OSBPL10: variants seen among roughly 807,000 people sequenced by gnomAD.
The protein encoded by OSBPL10 is oxysterol-binding protein-related protein 10.
Under a neutral mutation model 81.7 loss-of-function variants are expected in OSBPL10, and 49 were observed. That is an observed-to-expected ratio of 0.60 (90% CI 0.48 to 0.76). The LOEUF is 0.76. Among genes scored for constraint, OSBPL10 ranks in the 30% least tolerant of loss-of-function variants. OSBPL10 has a pLI of 0.00. For synonymous variants in OSBPL10, 419 were observed against 383.6 expected (o/e 1.09, Z -1.08); for missense variants, 923 against 987.8 (o/e 0.93, Z 0.88).
chr3:31,669,587 G>A (rs1046919050), intron 9 of OSBPL10, among the ~76,000 whole-genome samples: 1 of 152,172 alleles, frequency 6.6e-6, no homozygotes, highest in Non-Finnish European at 1.5e-5. Context: ...TAGTGGCTCT[G>A]AGGAATGACT....
chr3:31,668,938 T>C, intron 9 of OSBPL10, 114 bp from the exon 10 acceptor site: 1 of 925,090 alleles, frequency 1.1e-6, no homozygotes, highest in Non-Finnish European at 1.6e-6. Context: ...GAAGGAGGGA[T>C]TGTTTTTGCA....
At chr3:31,677,147 T>C (rs1243610707) in intron 8 of OSBPL10, among the ~76,000 whole-genome samples, 1 of 152,108 alleles carries the variant, frequency 6.6e-6, no homozygotes, top group African/African-American at 2.4e-5. Flanking sequence ...AACAAATTCA[T>C]AGAATATGCA....
At chr3:31,753,606 G>C (rs538314454) in intron 4 of OSBPL10, among the ~76,000 whole-genome samples, 1 of 151,996 alleles carries the variant, frequency 6.6e-6, no homozygotes, top group Non-Finnish European at 1.5e-5. Context: ...TTTTCCAGGG[G>C]ACTCCATCCC....
At chr3:31,783,140 T>TACAC (rs1196929823) in intron 4 of OSBPL10, among the ~76,000 whole-genome samples, 5 of 89,380 alleles carry the variant, frequency 5.6e-5, no homozygotes, top group African/African-American at 2.1e-4. Flanking sequence ...TATATATATA[T>TACAC]ATATATACAC....
At chr3:31,681,799 C>T (rs893143247) in intron 8 of OSBPL10, among the ~76,000 whole-genome samples, 3 of 152,178 alleles carry the variant, frequency 2.0e-5, no homozygotes, top group African/African-American at 7.2e-5. Context: ...TCTCATTAGT[C>T]TCAAGGCCTT....
At chr3:31,788,103 C>A (rs1698906107) in intron 4 of OSBPL10, among the ~76,000 whole-genome samples, 1 of 151,754 alleles carries the variant, frequency 6.6e-6, no homozygotes, top group Non-Finnish European at 1.5e-5. Flanking sequence ...TTTTTTTCTC[C>A]CAGAAAAGGT....
intron 2 of OSBPL10, among the ~76,000 whole-genome samples, chr3:32,026,515 T>C (rs910936440): frequency 6.6e-6 from 1 of 152,192 alleles, no homozygotes; most frequent in Non-Finnish European, 1.5e-5. Context: ...CAGATTGATA[T>C]GATTAAAGGA....
intron 4 of OSBPL10, among the ~76,000 whole-genome samples, chr3:31,812,816 A>AAGAGAGAGAGAGAG (rs113963524): frequency 1.9e-4 from 6 of 32,424 alleles, no homozygotes; most frequent in Non-Finnish European, 2.3e-4. Flanking sequence ...GAAAGAAAGA[A>AAGAGAGAGAGAGAG]AGAGAAAGAA....
intron 1 of OSBPL10, among the ~76,000 whole-genome samples, chr3:31,971,139 C>CTTTTTTTTTT (rs56785817): frequency 5.0e-5 from 6 of 119,358 alleles, no homozygotes; most frequent in Non-Finnish European, 1.0e-4. Context: ...TTTCTTTTTT[C>CTTTTTTTTTT]TTTTTTTTTT....
chr3:31,994,630 C>A (rs1699070341), intron 2 of OSBPL10, among the ~76,000 whole-genome samples: 1 of 152,140 alleles, frequency 6.6e-6, no homozygotes, highest in African/African-American at 2.4e-5. Flanking sequence ...TATACACCTT[C>A]TTCAAGTGAC....
intron 6 of OSBPL10, among the ~76,000 whole-genome samples, chr3:31,708,091 G>A (rs1696130110): frequency 6.6e-6 from 1 of 152,128 alleles, no homozygotes; most frequent in African/African-American, 2.4e-5. Flanking sequence ...CAGGTCTTCA[G>A]TTAAAATTTT....
chr3:31,971,632 C>T (rs1280755183), intron 1 of OSBPL10, among the ~76,000 whole-genome samples: 3 of 152,176 alleles, frequency 2.0e-5, no homozygotes, highest in South Asian at 2.1e-4. Context: ...GCTACTGGAC[C>T]TCAGAAACTA....
intron 1 of OSBPL10, among the ~76,000 whole-genome samples, chr3:32,074,217 C>T (rs535102342): frequency 1.3e-5 from 2 of 152,244 alleles, no homozygotes; most frequent in South Asian, 4.1e-4. Flanking sequence ...TTGGTGAGAA[C>T]TCCCCAGACA....
At chr3:31,745,748 T>C (rs1240907435) in intron 5 of OSBPL10, among the ~76,000 whole-genome samples, 1 of 152,230 alleles carries the variant, frequency 6.6e-6, no homozygotes, top group Non-Finnish European at 1.5e-5. Flanking sequence ...TAATCATACC[T>C]ACTTTGTAAA....
intron 2 of OSBPL10, among the ~76,000 whole-genome samples, chr3:32,039,727 A>G (rs1699553980): frequency 6.6e-6 from 1 of 152,176 alleles, no homozygotes; most frequent in South Asian, 2.1e-4. Flanking sequence ...TAAAAGTGAT[A>G]TTGAAAGTTT....
intron 1 of OSBPL10, among the ~76,000 whole-genome samples, chr3:31,971,641 T>C (rs1163231888): frequency 6.6e-6 from 1 of 152,208 alleles, no homozygotes; most frequent in African/African-American, 2.4e-5. Context: ...CCTCAGAAAC[T>C]ACACTCTTAG....
In OSBPL10 at chr3:31,661,565, A is replaced by G. The variant is rs1700071250; in HGVS notation, c.*507T>C. The G allele has an allele frequency of 6.6e-6, 1 of 152,294 alleles. No homozygotes were observed. The highest frequency in any genetic ancestry group is 1.5e-5 in the Non-Finnish European group (1 of 68,086). The allele number at this position is 152,294 out of a possible 1,614,324, so 9.4% of individuals were successfully genotyped here. On this transcript the variant is annotated 3_prime_UTR_variant, in exon 12 of 12. Coordinates refer to ENST00000396556, the MANE Select transcript of OSBPL10 (RefSeq NM_017784.5). ...GGTGGGGAGGGAGGTGAGAATCACA[A>G]TAATTTTGAAATGATAACCACCCAT...
At chr3:31,955,242 G>A (rs1326871761) in intron 1 of OSBPL10, among the ~76,000 whole-genome samples, 1 of 152,200 alleles carries the variant, frequency 6.6e-6, no homozygotes, top group Non-Finnish European at 1.5e-5. Context: ...TACACCAGAG[G>A]TATATGCTAG....
chr3:32,007,796 TC>T (rs1364686487), intron 2 of OSBPL10, among the ~76,000 whole-genome samples: 1 of 152,000 alleles, frequency 6.6e-6, no homozygotes, highest in Non-Finnish European at 1.5e-5. Context: ...AACCTCCATC[TC>T]CCGAGTTCAA....
Sources: allele counts gnomAD v4.1 joint callset (sites outside exome capture counted in the v4.1 genomes callset), GRCh38; gene constraint gnomAD v4.1.1; transcripts MANE v1.5; gene names NCBI Gene and HGNC (gene_info 2026-07-23, HGNC 2026-07-21).